Variants in ARAP2 observed in about 807,000 individuals in gnomAD.
ARAP2 encodes ArfGAP with RhoGAP domain, ankyrin repeat and PH domain 2.
In ARAP2, 148 loss-of-function variants were observed where a neutral mutation model predicts 194.5. The ratio of observed to expected loss-of-function variants is 0.76; its 90% confidence interval spans 0.67 to 0.87. The LOEUF is 0.87. Ranked by LOEUF, ARAP2 falls within the 40% of genes least tolerant of loss-of-function variation. The probability of loss-of-function intolerance (pLI) is 0.00; values close to 1 mark genes in which losing one functional copy is unlikely to be tolerated. For synonymous variants in ARAP2, 695 were observed against 683.5 expected (o/e 1.02, Z -0.26); for missense variants, 2,128 against 1,989.7 (o/e 1.07, Z -1.32).
chr4:36,172,534 A>C (rs1387624925), intron 9 of ARAP2, among the ~76,000 whole-genome samples: 1 of 152,220 alleles, frequency 6.6e-6, no homozygotes, highest in Non-Finnish European at 1.5e-5. Context: ...ACATTCGGAT[A>C]AAATTAATGG....
chr4:36,041,662 C>A (rs1432161212), intron 5 of ARAP2, among the ~76,000 whole-genome samples: 1 of 152,134 alleles, frequency 6.6e-6, no homozygotes, highest in Non-Finnish European at 1.5e-5. Flanking sequence ...CATCAACAAT[C>A]CCATTATTGG....
chr4:36,182,471 G>A (rs932361887), intron 8 of ARAP2, among the ~76,000 whole-genome samples: 1 of 151,162 alleles, frequency 6.6e-6, no homozygotes, highest in South Asian at 2.1e-4. Context: ...ACTCCAGCCT[G>A]TGTGACAGAG....
At chr4:36,034,686 C>T (rs886511085) in intron 5 of ARAP2, among the ~76,000 whole-genome samples, 10 of 151,938 alleles carry the variant, frequency 6.6e-5, no homozygotes, top group Non-Finnish European at 4.4e-5. Flanking sequence ...TCAAGGAGAA[C>T]GCTTGCAGCT....
At chr4:36,176,970 C>T (rs1229153062) in intron 9 of ARAP2, among the ~76,000 whole-genome samples, 1 of 151,764 alleles carries the variant, frequency 6.6e-6, no homozygotes, top group Non-Finnish European at 1.5e-5. Flanking sequence ...CCAAAGTGCA[C>T]AGTTCAATTC....
intron 9 of ARAP2, 45 bp downstream of exon 9, chr4:36,177,782 T>C: frequency 6.7e-7 from 1 of 1,499,796 alleles, no homozygotes. Context: ...TAGTTGTTAC[T>C]ATAATAAAAT....
rs1222867756 is a variant in ARAP2, at chr4:36,229,049, C to G, written c.438G>C (p.Leu146=). 3 of 1,614,094 alleles carry G rather than the reference C, an allele frequency of 1.9e-6. No homozygotes were observed. The highest frequency in any genetic ancestry group is 2.5e-6 in the Non-Finnish European group (3 of 1,180,008). Residue 146 remains leucine, a synonymous_variant, in exon 2 of 33, where the codon CTG becomes CTC. Coordinates refer to ENST00000303965, the MANE Select transcript of ARAP2 (RefSeq NM_015230.4). The part of the protein sequence containing the change: ...RSQYPQSDDK[L]SPPKRDFPTA... ...TGGGGAAGTCGCGTTTAGGAGGAGA[C>G]AGCTTATCATCTGATTGAGGATACT...
In ARAP2 at chr4:36,124,923, T is replaced by C; in HGVS notation, c.3685A>G (p.Ile1229Val). The C allele has an allele frequency of 6.2e-7, 1 of 1,611,196 alleles. No homozygotes were observed. Among genetic ancestry groups the C allele is most frequent in the Non-Finnish European group, 8.5e-7 (1 of 1,178,230 alleles). Residue 1229 changes from isoleucine (I) to valine (V), a missense_variant, in exon 22 of 33, where the codon ATA becomes GTA. Transcript: ENST00000303965. ...KERIKKYGAF[I>V]RSLPGVNRAT... is the part of the protein sequence containing the mutation. ...CGGTTGACCCCTGGAAGAGAACGTATAAATGCTCCATATTTTTTAATTCTT... is the reference window on the plus strand; with the variant it reads ...CGGTTGACCCCTGGAAGAGAACGTACAAATGCTCCATATTTTTTAATTCTT...
chr4:36,025,863 A>G (rs1007501310), intron 5 of ARAP2, among the ~76,000 whole-genome samples: 12 of 152,096 alleles, frequency 7.9e-5, no homozygotes, highest in African/African-American at 2.7e-4. Flanking sequence ...TTTTTCCCCC[A>G]AGAGTATCTT....
intron 15 of ARAP2, 136 bp from the exon 16 acceptor site, chr4:36,151,180 G>GAAT (rs1182845789): frequency 3.3e-5 from 26 of 779,960 alleles, no homozygotes; most frequent in Non-Finnish European, 5.1e-5. Flanking sequence ...TAAAGTATAT[G>GAAT]TTATTGCTGC....
chr4:36,071,773 A>G (rs1225880617), intron 32 of ARAP2, among the ~76,000 whole-genome samples: 1 of 150,420 alleles, frequency 6.6e-6, no homozygotes, highest in East Asian at 1.9e-4. Context: ...ATATGTATAC[A>G]TGTGCCATGC....
intron 28 of ARAP2, among the ~76,000 whole-genome samples, chr4:36,089,179 A>T (rs1712828413): frequency 6.6e-6 from 1 of 152,098 alleles, no homozygotes; most frequent in African/African-American, 2.4e-5. Context: ...TTCTATCACC[A>T]TAGAATGGTT....
At chr4:36,039,513 G>A (rs1577624588) in intron 5 of ARAP2, among the ~76,000 whole-genome samples, 1 of 152,138 alleles carries the variant, frequency 6.6e-6, no homozygotes, top group East Asian at 1.9e-4. Flanking sequence ...TTCTGCTTGT[G>A]CCCCCTGGTA....
At chr4:36,061,859 T>C (rs1365614464), downstream of ARAP2, among the ~76,000 whole-genome samples, 2 of 152,204 alleles carry the variant, frequency 1.3e-5, no homozygotes, top group Non-Finnish European at 2.9e-5. Context: ...TTAGGTGAGA[T>C]GATTTCTGAT....
intron 9 of ARAP2, among the ~76,000 whole-genome samples, chr4:36,008,080 G>T (rs1328192025): frequency 6.6e-6 from 1 of 151,994 alleles, no homozygotes; most frequent in Non-Finnish European, 1.5e-5. Context: ...CAAGCTTATG[G>T]GTTGGAAGAA....
At chr4:36,239,233 G>A (rs1027799486) in intron 1 of ARAP2, among the ~76,000 whole-genome samples, 3 of 151,710 alleles carry the variant, frequency 2.0e-5, no homozygotes, top group African/African-American at 4.8e-5. Flanking sequence ...CCAATATCAC[G>A]CCACTACAGG....
At chr4:36,198,340 TAGGCAGACCCAGAAA>T (rs1743608363) in intron 6 of ARAP2, among the ~76,000 whole-genome samples, 2 of 152,282 alleles carry the variant, frequency 1.3e-5, no homozygotes, top group South Asian at 4.1e-4. Context: ...TGGGCAGTCA[TAGGCAGACCCAGAAA>T]AGGCACCACA....
chr4:36,205,275 T>C (rs1355541240), intron 6 of ARAP2, among the ~76,000 whole-genome samples: 1 of 152,000 alleles, frequency 6.6e-6, no homozygotes, highest in Non-Finnish European at 1.5e-5. Flanking sequence ...GGTACATCAA[T>C]AGCTAATCCC....
At chr4:36,105,518 C>T (rs1299916899) in intron 27 of ARAP2, among the ~76,000 whole-genome samples, 1 of 151,964 alleles carries the variant, frequency 6.6e-6, no homozygotes, top group Admixed American at 6.6e-5. Context: ...ATAACTCCAT[C>T]TAGAAGATGT....
intron 8 of ARAP2, among the ~76,000 whole-genome samples, chr4:36,014,350 GAAAGAAAGAAA>G (rs1560265421): frequency 7.2e-6 from 1 of 138,768 alleles, no homozygotes; most frequent in Non-Finnish European, 1.5e-5. Flanking sequence ...AAGAAAGAAA[GAAAGAAAGAAA>G]GAAAGAAAGA....
Sources: allele counts gnomAD v4.1 joint callset (sites outside exome capture counted in the v4.1 genomes callset), GRCh38; gene constraint gnomAD v4.1.1; transcripts MANE v1.5; gene names NCBI Gene and HGNC (gene_info 2026-07-23, HGNC 2026-07-21).